The following PCDHA2 variants were observed in gnomAD, a reference collection of about 807,000 sequenced individuals.
The protein encoded by PCDHA2 is protocadherin alpha 2.
In PCDHA2, 58 loss-of-function variants were observed where a neutral mutation model predicts 66.0. The ratio of observed to expected loss-of-function variants is 0.88; its 90% CI spans 0.71 to 1.09. PCDHA2 has a LOEUF of 1.09. PCDHA2 is among the 50% of genes least tolerant of loss of function. PCDHA2 has a pLI of 0.00. For missense variants in PCDHA2, 1,267 were observed against 1,242.3 expected (o/e 1.02, Z -0.30); for synonymous variants, 634 against 554.0 (o/e 1.14, Z -2.03).
rs1554119203 is a variant in PCDHA2, at chr5:140,794,952, T to C, written c.-13T>C. The C allele has an allele frequency of 1.3e-6, 2 of 1,596,680 alleles. No homozygotes were observed. The highest frequency in any genetic ancestry group is 1.7e-6 in the Non-Finnish European group (2 of 1,172,544). The stretch of plus-strand genomic sequence containing the variant: ...ATGCTCTTCTAATTTGATCAAAACA[T>C]TGAGGATTGGTAATGGCGTCTTCTA... On this transcript the variant is annotated 5_prime_UTR_variant, in exon 1 of 4. Coordinates refer to ENST00000526136, the MANE Select transcript of PCDHA2 (RefSeq NM_018905.3).
At chr5:140,934,171 A>C (rs965826085) in intron 1 of PCDHA2, among the ~76,000 whole-genome samples, 11 of 152,160 alleles carry the variant, frequency 7.2e-5, no homozygotes, top group African/African-American at 2.7e-4. Context: ...GTGCAACAGA[A>C]GTACTCTAAA....
chr5:140,797,529 C>T (rs572407402), intron 1 of PCDHA2, 177 bp downstream of exon 1: 2 of 785,300 alleles, frequency 2.5e-6, no homozygotes, highest in South Asian at 1.9e-5. Context: ...TTTATTTAAA[C>T]AATCTACATA....
rs538135807 is a variant in PCDHA2, at chr5:140,873,663, T to C, written c.2388+76311T>C. On this transcript the variant is annotated intron_variant, in intron 1 of 3. Transcript: ENST00000526136. ...GTGAGAACTACATAACACACTATTA[T>C]TATTTGTTTCTTTTTGAGATAGAGT... Among the ~76,000 whole-genome samples the C allele has an allele frequency of 3.3e-5, 5 of 152,342 alleles. No individual in the cohort carries two copies. In the South Asian group the frequency reaches 1.0e-3, roughly 32 times the overall value.
At chr5:140,883,759 G>C (rs1554179777) in intron 1 of PCDHA2, 1 of 1,612,822 alleles carries the variant, frequency 6.2e-7, no homozygotes, top group Non-Finnish European at 8.5e-7. Context: ...TGGTGGAGCG[G>C]CGGGTGGGCG....
intron 1 of PCDHA2, chr5:140,871,048 C>T (rs1472650820): frequency 6.2e-7 from 1 of 1,613,348 alleles, no homozygotes; most frequent in Non-Finnish European, 8.5e-7. Context: ...ACTTCTAGTA[C>T]TGGTGAAGGA....
intron 1 of PCDHA2, chr5:140,823,703 G>C: frequency 6.2e-7 from 1 of 1,613,934 alleles, no homozygotes; most frequent in Non-Finnish European, 8.5e-7. Context: ...GAAGCACCGC[G>C]CCACCGCCTT....
At chr5:140,822,745 A>G (rs1767421086) in intron 1 of PCDHA2, 7 of 1,613,644 alleles carry the variant, frequency 4.3e-6, no homozygotes, top group South Asian at 2.2e-5. Context: ...TGCCATGGAT[A>G]AAAGTACATT....
At chr5:140,847,009 T>G (rs1780816378) in intron 1 of PCDHA2, among the ~76,000 whole-genome samples, 1 of 149,542 alleles carries the variant, frequency 6.7e-6, no homozygotes, top group Non-Finnish European at 1.5e-5. Flanking sequence ...TTGAGAATGA[T>G]AGACATTTCT....
At chr5:140,857,335 G>T in intron 1 of PCDHA2, 1 of 1,598,584 alleles carries the variant, frequency 6.3e-7, no homozygotes, top group South Asian at 1.1e-5. Flanking sequence ...CGCGGGACGG[G>T]GGCTCGCCTC....
chr5:140,809,031 C>T, intron 1 of PCDHA2: 1 of 1,613,858 alleles, frequency 6.2e-7, no homozygotes. Flanking sequence ...CAGCCGGGGA[C>T]TGGTGGCGCG....
intron 1 of PCDHA2, chr5:140,852,259 C>A: frequency 2.0e-6 from 1 of 509,052 alleles, no homozygotes; most frequent in Non-Finnish European, 2.6e-6. Flanking sequence ...TTGGAATATG[C>A]TACAATATTA....
chr5:141,009,003 A>G (rs782499793), intron 3 of PCDHA2, among the ~76,000 whole-genome samples: 16 of 152,220 alleles, frequency 1.1e-4, no homozygotes, highest in Non-Finnish European at 1.5e-4. Flanking sequence ...AAAGGAGCAT[A>G]TTTTGCCTTT....
chr5:141,010,293 G>T lies in PCDHA2; in HGVS notation c.*356G>T. 6.5e-7 allele frequency: 1 copy of T among 1,549,794 alleles called. No homozygotes were observed. Among genetic ancestry groups the T allele is most frequent in the Non-Finnish European group, 8.7e-7 (1 of 1,146,454 alleles). On this transcript the variant is annotated 3_prime_UTR_variant, in exon 4 of 4. Coordinates refer to ENST00000526136, the MANE Select transcript of PCDHA2 (RefSeq NM_018905.3). ...ATCCTGTCTTGATGACACTTGCAGG[G>T]CAGGCTGAAAAGTTTTGAGATTGAG...
intron 1 of PCDHA2, among the ~76,000 whole-genome samples, chr5:140,949,671 G>A (rs1316716969): frequency 6.6e-6 from 1 of 151,584 alleles, no homozygotes. Context: ...TTTAAAGTAT[G>A]CCCTTGTTGA....
At chr5:140,871,486 C>T in intron 1 of PCDHA2, 1 of 1,592,450 alleles carries the variant, frequency 6.3e-7, no homozygotes, top group African/African-American at 1.3e-5. Context: ...GTCAAATCAC[C>T]CCGGACAGGT....
intron 1 of PCDHA2, chr5:140,830,254 G>A: frequency 6.2e-7 from 1 of 1,613,692 alleles, no homozygotes; most frequent in East Asian, 2.2e-5. Flanking sequence ...ACACAGCGCT[G>A]CGGTGCTCGG....
At chr5:140,923,785 C>T (rs2081509867) in intron 1 of PCDHA2, among the ~76,000 whole-genome samples, 1 of 152,156 alleles carries the variant, frequency 6.6e-6, no homozygotes, top group African/African-American at 2.4e-5. Flanking sequence ...ATGGTTTCTT[C>T]ATTCTTTTCA....
At chr5:140,940,731 G>C (rs1195223562) in intron 1 of PCDHA2, among the ~76,000 whole-genome samples, 1 of 152,280 alleles carries the variant, frequency 6.6e-6, no homozygotes, top group South Asian at 2.1e-4. Context: ...CAGCTGGACA[G>C]CTCCATATTT....
intron 1 of PCDHA2, among the ~76,000 whole-genome samples, chr5:140,838,775 A>T (rs1233397292): frequency 2.0e-5 from 3 of 151,986 alleles, no homozygotes; most frequent in Non-Finnish European, 4.4e-5. Context: ...TTGTAAAATT[A>T]GCTATGCATG....
Sources: allele counts gnomAD v4.1 joint callset (sites outside exome capture counted in the v4.1 genomes callset), GRCh38; gene constraint gnomAD v4.1.1; transcripts MANE v1.5; gene names NCBI Gene and HGNC (gene_info 2026-07-23, HGNC 2026-07-21).